Variants in MSI2 observed in about 807,000 individuals in gnomAD.
MSI2 encodes musashi RNA binding protein 2, also known as RNA-binding protein Musashi homolog 2.
Under a neutral mutation model 45.6 loss-of-function variants are expected in MSI2, and 17 were observed. The ratio of observed to expected loss-of-function variants is 0.37; its 90% confidence interval spans 0.26 to 0.56. The LOEUF is 0.56. MSI2 is among the 20% of genes least tolerant of loss of function. MSI2 has a pLI of 0.77. For missense variants in MSI2, 293 were observed against 444.2 expected (o/e 0.66, Z 3.06); for synonymous variants, 156 against 158.2 (o/e 0.99, Z 0.11).
intron 7 of MSI2, among the ~76,000 whole-genome samples, chr17:57,579,520 A>C (rs2088144642): frequency 6.6e-6 from 1 of 152,172 alleles, no homozygotes; most frequent in Admixed American, 6.5e-5. Context: ...CCATCAGGAC[A>C]TCTGAGGACC....
chr17:57,340,398 C>T (rs1454454572), intron 5 of MSI2, among the ~76,000 whole-genome samples: 2 of 152,214 alleles, frequency 1.3e-5, no homozygotes, highest in African/African-American at 4.8e-5. Flanking sequence ...ACAGTGTCAA[C>T]ACTGCAGGGC....
Position 57,446,971 on chromosome 17 carries a change from A to G in MSI2, c.405+45500A>G, listed in dbSNP as rs140119053. 3.3e-4 allele frequency among the ~76,000 whole-genome samples: 51 copies of G among 152,342 alleles called. 1 individual carries two copies. The East Asian group carries it at 5.2e-3, about 16-fold the overall frequency. On this transcript the variant is annotated intron_variant, in intron 6 of 13. Transcript: ENST00000284073. ...ACATATGCTTTGATGCAAGGTTGCT[A>G]TGTAAAAGTTGCCTCCAAAAATCCA...
chr17:57,514,814 G>A (rs2086435431), intron 6 of MSI2, among the ~76,000 whole-genome samples: 1 of 152,020 alleles, frequency 6.6e-6, no homozygotes, highest in Admixed American at 6.6e-5. Context: ...GTAAGGAGTA[G>A]ACCAAAAATT....
chr17:57,456,923 C>G (rs1398128366), intron 6 of MSI2, among the ~76,000 whole-genome samples: 1 of 152,182 alleles, frequency 6.6e-6, no homozygotes, highest in Non-Finnish European at 1.5e-5. Context: ...CACCCAATCT[C>G]CATGCACCCG....
chr17:57,651,079 G>A (rs565699095), intron 10 of MSI2, among the ~76,000 whole-genome samples: 1 of 152,208 alleles, frequency 6.6e-6, no homozygotes, highest in East Asian at 1.9e-4. Flanking sequence ...TATATGTATG[G>A]GAGTGTATCT....
At chr17:57,317,506 C>CTTTTTTTTTTTTTT (rs921448429) in intron 5 of MSI2, among the ~76,000 whole-genome samples, 1 of 94,576 alleles carries the variant, frequency 1.1e-5, no homozygotes, top group Admixed American at 1.2e-4. Context: ...TATAGTTTTG[C>CTTTTTTTTTTTTTT]TTTTTTTTTT....
intron 6 of MSI2, among the ~76,000 whole-genome samples, chr17:57,434,565 C>T (rs537446103): frequency 8.5e-4 from 130 of 152,220 alleles, no homozygotes; most frequent in African/African-American, 3.0e-3. Context: ...CCCCATGCAC[C>T]CCCATCCTCT....
At chr17:57,466,737 A>G (rs1174955092) in intron 6 of MSI2, among the ~76,000 whole-genome samples, 1 of 152,154 alleles carries the variant, frequency 6.6e-6, no homozygotes, top group Non-Finnish European at 1.5e-5. Flanking sequence ...TCTTGAACTT[A>G]TAAGTGTCTG....
intron 6 of MSI2, among the ~76,000 whole-genome samples, chr17:57,492,617 GT>G (rs5821187): frequency 7.9e-5 from 12 of 150,978 alleles, no homozygotes; most frequent in African/African-American, 2.9e-4. Flanking sequence ...GTTTTGTTTT[GT>G]TTTTTTTTGA....
chr17:57,492,245 T>C (rs900993980), intron 6 of MSI2, among the ~76,000 whole-genome samples: 3 of 152,222 alleles, frequency 2.0e-5, no homozygotes, highest in African/African-American at 7.2e-5. Context: ...AGACATTCTA[T>C]ATGAGTACCG....
intron 5 of MSI2, among the ~76,000 whole-genome samples, chr17:57,299,777 A>G (rs115611416): frequency 0.037 from 5,661 of 152,256 alleles, 325 homozygotes; most frequent in African/African-American, 0.12. Flanking sequence ...AAGTTAGCAC[A>G]CGTGGTTGGA....
At chr17:57,579,852 A>G (rs2088155106) in intron 7 of MSI2, among the ~76,000 whole-genome samples, 1 of 152,200 alleles carries the variant, frequency 6.6e-6, no homozygotes, top group Non-Finnish European at 1.5e-5. Flanking sequence ...AGGATGAGAA[A>G]GCTGAGACAC....
chr17:57,259,139 A>G (rs1352803017), intron 4 of MSI2, among the ~76,000 whole-genome samples: 1 of 152,122 alleles, frequency 6.6e-6, no homozygotes, highest in Non-Finnish European at 1.5e-5. Flanking sequence ...TGTTTTATTT[A>G]GCCCCTGTGT....
intron 5 of MSI2, among the ~76,000 whole-genome samples, chr17:57,304,957 G>A (rs937019587): frequency 1.3e-5 from 2 of 152,134 alleles, no homozygotes; most frequent in African/African-American, 2.4e-5. Flanking sequence ...AGCATCTACT[G>A]AGTGCCAGAT....
intron 5 of MSI2, among the ~76,000 whole-genome samples, chr17:57,298,924 T>C (rs1911206383): frequency 6.6e-6 from 1 of 152,254 alleles, no homozygotes; most frequent in Non-Finnish European, 1.5e-5. Flanking sequence ...GACTTTTGTA[T>C]ACATGAGAAT....
intron 5 of MSI2, among the ~76,000 whole-genome samples, chr17:57,347,502 C>CA (rs1303803838): frequency 6.7e-6 from 1 of 148,584 alleles, no homozygotes; most frequent in Non-Finnish European, 1.5e-5. Context: ...GTTCAGACCC[C>CA]TTCATGCAGG....
At chr17:57,259,788 GA>G (rs147385097) in intron 4 of MSI2, among the ~76,000 whole-genome samples, 6,203 of 152,238 alleles carry the variant, frequency 0.041, 390 homozygotes, top group African/African-American at 0.13. Flanking sequence ...GCAAATTTGG[GA>G]ATTTATCATC....
chr17:57,485,351 A>G (rs2085731105), intron 6 of MSI2, among the ~76,000 whole-genome samples: 1 of 152,168 alleles, frequency 6.6e-6, no homozygotes, highest in Non-Finnish European at 1.5e-5. Context: ...TTTTATTTCT[A>G]AAGATCGCCT....
intron 5 of MSI2, among the ~76,000 whole-genome samples, chr17:57,398,437 AAAATT>A (rs1331830956): frequency 6.6e-6 from 1 of 152,248 alleles, no homozygotes; most frequent in Non-Finnish European, 1.5e-5. Flanking sequence ...TGAAAAATCT[AAAATT>A]AAACTATTGG....
Sources: gnomAD v4.1 joint callset for allele counts (sites outside exome capture counted in the v4.1 genomes callset) on GRCh38, gnomAD v4.1.1 for gene constraint, MANE v1.5 for transcripts, NCBI Gene and HGNC (gene_info 2026-07-23, HGNC 2026-07-21) for gene names.